Variants in WDR36 observed in about 807,000 individuals in gnomAD.
The protein encoded by WDR36 is WD repeat domain 36.
A neutral mutation model predicts 112.7 loss-of-function variants in WDR36; 63 were observed. That is an observed-to-expected ratio of 0.56 (90% CI 0.46 to 0.69). The LOEUF (loss-of-function observed/expected upper bound fraction) is 0.69. Among genes scored for constraint, WDR36 ranks in the 30% least tolerant of loss-of-function variants. WDR36 has a pLI of 0.00. For missense variants in WDR36, 1,226 were observed against 1,070.3 expected, an observed-to-expected ratio of 1.15 and a Z score of -2.03; for synonymous variants, 410 against 362.2, an observed-to-expected ratio of 1.13 and a Z score of -1.50.
At chr5:111,125,185 T>A (rs1326079984) in intron 21 of WDR36, among the ~76,000 whole-genome samples, 4 of 152,200 alleles carry the variant, frequency 2.6e-5, no homozygotes, top group Non-Finnish European at 5.9e-5. Flanking sequence ...TATAACTTTA[T>A]AACAATAGAA....
In WDR36 at chr5:111,127,004, T is replaced by C. The variant is rs1005614461; in HGVS notation, c.*121T>C. Reference sequence around the variant, plus strand: ...TGCTAGCACTACTGACTAGTCAGTATATCTCCACTTTAAATGCTAAATACT... The same window carrying C: ...TGCTAGCACTACTGACTAGTCAGTACATCTCCACTTTAAATGCTAAATACT... On this transcript the variant is annotated 3_prime_UTR_variant, in exon 23 of 23. Coordinates refer to ENST00000513710, the MANE Select transcript of WDR36 (RefSeq NM_139281.3). The C allele has an allele frequency of 2.8e-5, 25 of 906,892 alleles. No individual in the cohort carries two copies. The African/African-American group carries it at 4.3e-4, about 15-fold the overall frequency. 56.2% of individuals were successfully genotyped at this position (906,892 alleles called of 1,614,324 possible).
At chr5:111,116,136 G>T (rs1035611926) in intron 16 of WDR36, among the ~76,000 whole-genome samples, 2 of 151,056 alleles carry the variant, frequency 1.3e-5, no homozygotes, top group African/African-American at 4.9e-5. Context: ...TTTTAATGGA[G>T]CTGGGGTTTC....
chr5:111,120,004 C>T (rs138359833), intron 17 of WDR36, among the ~76,000 whole-genome samples: 31 of 152,092 alleles, frequency 2.0e-4, no homozygotes, highest in South Asian at 8.3e-4. Flanking sequence ...CCTAAAAGAC[C>T]GGTATCTACA....
intron 19 of WDR36, 103 bp from the exon 20 acceptor site, chr5:111,123,700 CCT>C (rs1404192021): frequency 7.2e-7 from 1 of 1,396,002 alleles, no homozygotes; most frequent in African/African-American, 1.4e-5. Context: ...GAGTTTCATT[CCT>C]CTTTTACTTT....
Position 111,123,824 on chromosome 5 carries a change from A to C in WDR36, c.2168A>C (p.Glu723Ala), listed in dbSNP as rs771625449. Reference sequence around the variant, plus strand: ...AATCAGAAAAAGAATAAACCAAAGGAACCACCCAAAGTACCCAAATCAGCA... The same window carrying C: ...AATCAGAAAAAGAATAAACCAAAGGCACCACCCAAAGTACCCAAATCAGCA... ...DVIKKKNKPK[E>A]PPKVPKSAPF... The change falls in exon 20 of 23, where the codon GAA (glutamate) becomes GCA (alanine). Residue 723 changes from glutamate (E) to alanine (A), a missense_variant. Physicochemically the swap from Glu to Ala is moderately radical, Grantham distance 107. Coordinates refer to ENST00000513710, the MANE Select transcript of WDR36 (RefSeq NM_139281.3). The C allele has an allele frequency of 8.7e-6, 14 of 1,613,708 alleles. No individual in the cohort carries two copies. Among genetic ancestry groups the C allele is most frequent in the African/African-American group, 1.3e-5 (1 of 74,926 alleles).
intron 15 of WDR36, 127 bp downstream of exon 15, chr5:111,111,405 A>G: frequency 1.2e-6 from 1 of 803,872 alleles, no homozygotes; most frequent in Non-Finnish European, 2.1e-6. Context: ...TATTTTTCAA[A>G]GATTTTAAAG....
At chr5:111,106,387 A>G (rs552875234) in intron 11 of WDR36, among the ~76,000 whole-genome samples, 1 of 151,448 alleles carries the variant, frequency 6.6e-6, no homozygotes. Flanking sequence ...ATTTGATTTT[A>G]TAGCCTTTTT....
At chr5:111,101,514 A>G (rs1753120624) in intron 5 of WDR36, among the ~76,000 whole-genome samples, 1 of 151,830 alleles carries the variant, frequency 6.6e-6, no homozygotes, top group Admixed American at 6.6e-5. Context: ...AGATATGGCA[A>G]ATATCTAATA....
chr5:111,109,111 A>C (rs76731489), intron 12 of WDR36, among the ~76,000 whole-genome samples: 1 of 151,420 alleles, frequency 6.6e-6, no homozygotes, highest in Non-Finnish European at 1.5e-5. Flanking sequence ...CAGGCCGACT[A>C]AAAACAATAA....
Position 111,124,012 on chromosome 5 carries a change from A to G in WDR36, c.2268+88A>G, listed in dbSNP as rs541423397. On this transcript the variant is annotated intron_variant, in intron 20 of 22. Transcript: ENST00000513710. ...TCTTTACCAAGACCTAGTTTTACAG[A>G]TATAGGGTAAATTAATGATAGCTTT... is the stretch of plus-strand genomic sequence containing the variant. 4.3e-4 allele frequency: 690 copies of G among 1,602,644 alleles called. 12 individuals carry two copies. The South Asian group carries it at 7.4e-3, about 17-fold the overall frequency.
chr5:111,127,049 C>T lies in WDR36; in HGVS notation c.*166C>T. The T allele has an allele frequency of 1.5e-6, 1 of 680,358 alleles. No homozygotes were observed. Among genetic ancestry groups the T allele is most frequent in the Admixed American group, 3.5e-5 (1 of 28,450 alleles). The allele number at this position is 680,358 out of a possible 1,614,324, so 42.1% of individuals were successfully genotyped here. On this transcript the variant is annotated 3_prime_UTR_variant, in exon 23 of 23. Transcript: ENST00000513710. The stretch of plus-strand genomic sequence containing the variant: ...AATACTTTCTTGAAATAAAATCGCA[C>T]CTCCCGGCCAGGCATGATGGATAAT...
chr5:111,096,669 A>G (rs1467473587), intron 2 of WDR36, among the ~76,000 whole-genome samples: 1 of 151,836 alleles, frequency 6.6e-6, no homozygotes, highest in Non-Finnish European at 1.5e-5. Context: ...GCATCACTGC[A>G]CTCCAGCCTG....
intron 16 of WDR36, among the ~76,000 whole-genome samples, chr5:111,114,625 C>A (rs1034603751): frequency 2.0e-5 from 3 of 152,068 alleles, no homozygotes; most frequent in Admixed American, 1.3e-4. Context: ...GAAGCAAAAT[C>A]GAATTTATTG....
At chr5:111,122,309 C>T (rs1753582958) in intron 19 of WDR36, among the ~76,000 whole-genome samples, 1 of 152,152 alleles carries the variant, frequency 6.6e-6, no homozygotes, top group Admixed American at 6.5e-5. Flanking sequence ...CTGTGGTCCT[C>T]ACTAAGATAT....
chr5:111,128,674 A>C lies in WDR36; in HGVS notation c.*1791A>C, dbSNP rs1753725138. 1.1e-5 allele frequency: 2 copies of C among 182,298 alleles called. No homozygotes were observed. Among genetic ancestry groups the C allele is most frequent in the Admixed American group, 6.2e-5 (1 of 16,002 alleles). 11.3% of individuals were successfully genotyped at this position (182,298 alleles called of 1,614,324 possible). A position where few individuals can be genotyped will look rare whatever the true frequency, so the allele number is the denominator to read the frequency against. ...AGCATAAAGACTTAAGTGTATTGTT[A>C]CCAGAGATATATTTAGATAGAATAC... On this transcript the variant is annotated 3_prime_UTR_variant, in exon 23 of 23. Transcript: ENST00000513710.
intron 1 of WDR36, 145 bp downstream of exon 1, chr5:111,092,763 C>A: frequency 8.8e-7 from 1 of 1,131,472 alleles, no homozygotes; most frequent in Non-Finnish European, 1.3e-6. Flanking sequence ...TTTCGCCATC[C>A]GGTCACGTCC....
At position 111,120,593 on chromosome 5, in the gene WDR36, G is replaced by A; in HGVS notation, c.2002G>A (p.Asp668Asn). ...VMLPGTCQTQ[D>N]VEVSEETVEP... ...GCTTCCTGGTACTTGTCAAACCCAAGGTAATTAGAAAATTGCAAAGTAATT... is the reference window on the plus strand; with the variant it reads ...GCTTCCTGGTACTTGTCAAACCCAAAGTAATTAGAAAATTGCAAAGTAATT... Residue 668 changes from aspartate to asparagine, a missense_variant and splice_region_variant, in exon 18 of 23, where the codon GAT becomes AAT. Asp to Asn is a conservative substitution (Grantham distance 23). Coordinates refer to ENST00000513710, the MANE Select transcript of WDR36 (RefSeq NM_139281.3). The A allele has an allele frequency of 1.2e-6, 2 of 1,608,638 alleles. No homozygotes were observed. Among genetic ancestry groups the A allele is most frequent in the Non-Finnish European group, 1.7e-6 (2 of 1,175,444 alleles).
Position 111,092,363 on chromosome 5 carries a change from C to T in WDR36, c.-94C>T, listed in dbSNP as rs200984589. The T allele has an allele frequency of 3.1e-6, 5 of 1,614,226 alleles. No individual in the cohort carries two copies. The highest frequency in any genetic ancestry group is 2.7e-5 in the African/African-American group (2 of 75,054). ...CGGAAGCGGTGTTGTGTCTGCAGCT[C>T]TGGCAGAGGACTGTTCCACTAGACA... is the stretch of plus-strand genomic sequence containing the variant. On this transcript the variant is annotated 5_prime_UTR_variant, in exon 1 of 23. Coordinates refer to ENST00000513710, the MANE Select transcript of WDR36 (RefSeq NM_139281.3).
intron 4 of WDR36, among the ~76,000 whole-genome samples, chr5:111,099,842 G>T (rs1260853041): frequency 6.6e-6 from 1 of 152,014 alleles, no homozygotes; most frequent in Non-Finnish European, 1.5e-5. Context: ...GTGCCAGATA[G>T]TATGTGAACC....
Sources: gnomAD v4.1 joint callset for allele counts (sites outside exome capture counted in the v4.1 genomes callset) on GRCh38, gnomAD v4.1.1 for gene constraint, MANE v1.5 for transcripts, NCBI Gene and HGNC (gene_info 2026-07-23, HGNC 2026-07-21) for gene names.